SVIL: variants seen among roughly 807,000 people sequenced by gnomAD.
The protein encoded by SVIL is supervillin, also known as archvillin.
A neutral mutation model predicts 240.4 loss-of-function variants in SVIL; 101 were observed. The observed-to-expected ratio is 0.42, with a 90% CI of 0.36 to 0.50. The LOEUF (loss-of-function observed/expected upper bound fraction) is 0.50, where lower values mean the gene tolerates loss of function less well. SVIL is among the 20% of genes least tolerant of loss of function. The probability of loss-of-function intolerance (pLI) is 0.01; values close to 1 mark genes in which losing one functional copy is unlikely to be tolerated. For synonymous variants in SVIL, 999 were observed against 1,100.0 expected (o/e 0.91, Z 1.82); for missense variants, 2,512 against 2,818.7 (o/e 0.89, Z 2.46).
chr10:29,491,087 T>C (rs1947910181), intron 21 of SVIL, 68 bp from the exon 22 acceptor site: 4 of 1,490,762 alleles, frequency 2.7e-6, no homozygotes, highest in South Asian at 2.6e-5. Context: ...CTGGGGGTCT[T>C]GGACTCCACA....
At position 29,532,524 on chromosome 10, in the gene SVIL, C is replaced by A. The variant is rs778403781; in HGVS notation, c.1838+5G>T. 6.2e-7 allele frequency: 1 copy of A among 1,601,260 alleles called. No homozygotes were observed. Among genetic ancestry groups the A allele is most frequent in the Non-Finnish European group, 8.5e-7 (1 of 1,170,910 alleles). ...CAGCTGGAGGGCGTGTGAAGCATCA[C>A]CTACAGTTCAGGTCTCCTGCAGGCG... On this transcript the variant is annotated splice_donor_5th_base_variant and intron_variant, in intron 8 of 37. Coordinates refer to ENST00000355867, the MANE Select transcript of SVIL (RefSeq NM_021738.3).
At chr10:29,481,349 G>A (rs1407666916) in intron 28 of SVIL, among the ~76,000 whole-genome samples, 5 of 152,040 alleles carry the variant, frequency 3.3e-5, no homozygotes, top group Non-Finnish European at 7.4e-5. Flanking sequence ...CAAAGTGACA[G>A]AGAGGAGGAA....
intron 1 of SVIL, among the ~76,000 whole-genome samples, chr10:29,573,490 G>A (rs1955541965): frequency 6.6e-6 from 1 of 152,104 alleles, no homozygotes; most frequent in Non-Finnish European, 1.5e-5. Flanking sequence ...TTCATAGAAA[G>A]TATCTTTGAA....
Position 29,493,195 on chromosome 10 carries a change from G to A in SVIL, c.4019+19C>T, listed in dbSNP as rs375938757. 4 of 1,608,792 alleles carry A rather than the reference G, an allele frequency of 2.5e-6. No homozygotes were observed. The highest frequency in any genetic ancestry group is 3.4e-6 in the Non-Finnish European group (4 of 1,176,400). ...AAGCCCTTCTCAGTGGAGGAAAGAC[G>A]GAGACCCAAATAACTCACTTGGGTG... On this transcript the variant is annotated intron_variant, in intron 21 of 37. Transcript: ENST00000355867.
chr10:29,722,062 AC>A (rs1430861704), intron 1 of SVIL, among the ~76,000 whole-genome samples: 3 of 151,994 alleles, frequency 2.0e-5, no homozygotes, highest in Non-Finnish European at 4.4e-5. Flanking sequence ...ACATAGCAGA[AC>A]CCTGTCTCTG....
intron 33 of SVIL, chr10:29,467,411 T>C (rs1823586982): frequency 5.3e-6 from 1 of 189,486 alleles, no homozygotes; most frequent in African/African-American, 2.3e-5. Flanking sequence ...CGGGAGGCCT[T>C]GGGAGCTGAT....
intron 21 of SVIL, among the ~76,000 whole-genome samples, chr10:29,492,533 C>T (rs58541333): frequency 0.055 from 8,358 of 152,006 alleles, 728 homozygotes; most frequent in African/African-American, 0.19. Flanking sequence ...GCCGGCAAAC[C>T]CCTCCGCACT....
intron 1 of SVIL, among the ~76,000 whole-genome samples, chr10:29,730,314 T>C (rs923694595): frequency 1.3e-5 from 2 of 152,216 alleles, no homozygotes; most frequent in African/African-American, 4.8e-5. Flanking sequence ...AGTCAGGGCA[T>C]GTACAATGAA....
At chr10:29,587,621 C>T (rs1956222541) in intron 1 of SVIL, among the ~76,000 whole-genome samples, 1 of 152,218 alleles carries the variant, frequency 6.6e-6, no homozygotes, top group South Asian at 2.1e-4. Flanking sequence ...CTGCAGTGGC[C>T]TGGAGCTTGC....
chr10:29,494,626 C>G (rs1195958340), intron 20 of SVIL, among the ~76,000 whole-genome samples: 1 of 152,146 alleles, frequency 6.6e-6, no homozygotes, highest in Non-Finnish European at 1.5e-5. Flanking sequence ...TTAAAGTTCA[C>G]CAGGCCCAAG....
intron 1 of SVIL, among the ~76,000 whole-genome samples, chr10:29,712,378 T>A (rs1589561683): frequency 6.6e-6 from 1 of 152,120 alleles, no homozygotes; most frequent in African/African-American, 2.4e-5. Context: ...GAGAGCTGGT[T>A]GTTAGAAAGA....
intron 1 of SVIL, among the ~76,000 whole-genome samples, chr10:29,690,927 T>C (rs989898533): frequency 6.6e-6 from 1 of 152,214 alleles, no homozygotes; most frequent in African/African-American, 2.4e-5. Context: ...CAAATGTTTT[T>C]TATATGAAGA....
chr10:29,633,741 C>A (rs1417574051), intron 1 of SVIL, among the ~76,000 whole-genome samples: 1 of 151,588 alleles, frequency 6.6e-6, no homozygotes, highest in Non-Finnish European at 1.5e-5. Context: ...TCAGCAGAAA[C>A]AAATCACTGA....
chr10:29,527,062 A>C lies in SVIL; in HGVS notation c.2247-6T>G, dbSNP rs1208773077. On this transcript the variant is annotated splice_region_variant and splice_polypyrimidine_tract_variant and intron_variant, in intron 12 of 37. Transcript: ENST00000355867. Reference sequence around the variant, plus strand: ...ACGAAGCGGGGATAGGTTCACTTTAAAAGCAATTGCCAAAGAGGAAACATT... The same window carrying C: ...ACGAAGCGGGGATAGGTTCACTTTACAAGCAATTGCCAAAGAGGAAACATT... The C allele has an allele frequency of 6.2e-7, 1 of 1,612,424 alleles. No homozygotes were observed. Among genetic ancestry groups the C allele is most frequent in the East Asian group, 2.2e-5 (1 of 44,870 alleles).
intron 22 of SVIL, among the ~76,000 whole-genome samples, chr10:29,490,008 A>G (rs762223920): frequency 6.6e-6 from 1 of 152,224 alleles, no homozygotes; most frequent in East Asian, 1.9e-4. Context: ...TATGCATGCT[A>G]TCACCTCAAA....
chr10:29,589,377 G>A (rs1207540164), intron 1 of SVIL, among the ~76,000 whole-genome samples: 1 of 152,218 alleles, frequency 6.6e-6, no homozygotes, highest in Non-Finnish European at 1.5e-5. Flanking sequence ...TGGAGGGGAG[G>A]AGAGCGGCTC....
At position 29,642,677 on chromosome 10, in the gene SVIL, A is replaced by G. The variant is rs755767295; in HGVS notation, c.-201+15292T>C. Among the ~76,000 whole-genome samples the G allele has an allele frequency of 1.1e-4, 17 of 151,900 alleles. No homozygotes were observed. The South Asian group carries it at 1.2e-3, about 11-fold the overall frequency. ...AAATATCAAAATAGTCTGCAGTTAG[A>G]TCTCTTCTCTCTCTCTTTTTTTTGG... On this transcript the variant is annotated intron_variant, in intron 3 of 35. Coordinates refer to the SVIL transcript ENST00000375400.
At chr10:29,466,340 G>T (rs2132289711) in intron 33 of SVIL, among the ~76,000 whole-genome samples, 1 of 152,116 alleles carries the variant, frequency 6.6e-6, no homozygotes, top group Middle Eastern at 3.4e-3. Context: ...ACAATGCTTA[G>T]CTATCTGTCT....
In SVIL at chr10:29,484,637, C is replaced by T. The variant is rs747777032; in HGVS notation, c.4955+19G>A. ...ATCAGCTCGCTTGAAGAGCTGTCCC[C>T]GGGCGGCGGCAGGAGTACCTGGGGA... On this transcript the variant is annotated intron_variant, in intron 27 of 37. Coordinates refer to ENST00000355867, the MANE Select transcript of SVIL (RefSeq NM_021738.3). This position sits in a 1 kb window ranked among gnomAD's most constrained non-coding sequence, Gnocchi z 4.7. 41 of 1,600,892 alleles carry T rather than the reference C, an allele frequency of 2.6e-5. No individual in the cohort carries two copies. Among genetic ancestry groups the T allele is most frequent in the Middle Eastern group, 1.7e-4 (1 of 6,022 alleles).
Sources: gnomAD v4.1 joint callset for allele counts (sites outside exome capture counted in the v4.1 genomes callset) on GRCh38, gnomAD v4.1.1 for gene constraint, Gnocchi (gnomAD v3.1) non-coding constraint, MANE v1.5 for transcripts, NCBI Gene and HGNC (gene_info 2026-07-23, HGNC 2026-07-21) for gene names.